The following PCDHGA1 variants were observed in gnomAD, a reference collection of about 807,000 sequenced individuals.
PCDHGA1 encodes the protein protocadherin gamma subfamily A, 1.
A neutral mutation model predicts 58.0 loss-of-function variants in PCDHGA1; 32 were observed. The observed-to-expected ratio is 0.55, with a 90% CI of 0.42 to 0.74. The LOEUF (loss-of-function observed/expected upper bound fraction) is 0.74. Ranked by LOEUF, PCDHGA1 falls within the 30% of genes least tolerant of loss-of-function variation. The probability of loss-of-function intolerance (pLI) is 0.00; values close to 1 mark genes in which losing one functional copy is unlikely to be tolerated. For synonymous variants in PCDHGA1, 498 were observed against 501.1 expected (o/e 0.99, Z 0.08); for missense variants, 1,205 against 1,182.3 (o/e 1.02, Z -0.28).
Position 141,419,737 on chromosome 5 carries a change from G to A in PCDHGA1, c.2422-75070G>A, listed in dbSNP as rs201663350. 29 of 1,613,836 alleles carry A rather than the reference G, an allele frequency of 1.8e-5. No individual in the cohort carries two copies. In the African/African-American group the frequency reaches 3.6e-4, roughly 20 times the overall value. ...GCCTGGGGCTGCGAACAGGCGAGGTGCGCATGGTGCGTGCTTTGGGTGACA... is the reference window on the plus strand; with the variant it reads ...GCCTGGGGCTGCGAACAGGCGAGGTACGCATGGTGCGTGCTTTGGGTGACA... On this transcript the variant is annotated intron_variant, in intron 1 of 3. Transcript: ENST00000517417.
intron 1 of PCDHGA1, chr5:141,385,151 A>T: frequency 6.2e-7 from 1 of 1,614,224 alleles, no homozygotes; most frequent in Non-Finnish European, 8.5e-7. Context: ...GCTTTCCTGC[A>T]GACCTATTCC....
chr5:141,392,783 G>T, intron 1 of PCDHGA1: 1 of 1,542,922 alleles, frequency 6.5e-7, no homozygotes, highest in Admixed American at 2.1e-5. Flanking sequence ...GCACAGTGAA[G>T]ATTCTGAGAG....
At chr5:141,510,447 C>T (rs1270073364) in intron 3 of PCDHGA1, among the ~76,000 whole-genome samples, 1 of 152,026 alleles carries the variant, frequency 6.6e-6, no homozygotes, top group Non-Finnish European at 1.5e-5. Flanking sequence ...CTCCAGGAGC[C>T]CATGGTCTAG....
In PCDHGA1 at chr5:141,431,628, A is replaced by C. The variant is rs1204083567; in HGVS notation, c.2422-63179A>C. Reference sequence around the variant, plus strand: ...CGGTATGTGGACGACAAGGCGGCCCAAGTTTTCAAACTAGATTGTAATTCA... The same window carrying C: ...CGGTATGTGGACGACAAGGCGGCCCCAGTTTTCAAACTAGATTGTAATTCA... On this transcript the variant is annotated intron_variant, in intron 1 of 3. Coordinates refer to ENST00000517417, the MANE Select transcript of PCDHGA1 (RefSeq NM_018912.3). The surrounding 1 kb of genome is among the most constrained non-coding windows in gnomAD (Gnocchi z 4.8). 1 of 1,614,256 alleles carries C rather than the reference A, an allele frequency of 6.2e-7. No individual in the cohort carries two copies. The highest frequency in any genetic ancestry group is 8.5e-7 in the Non-Finnish European group (1 of 1,180,050).
intron 3 of PCDHGA1, among the ~76,000 whole-genome samples, chr5:141,509,277 T>TC (rs566266970): frequency 0.011 from 1,653 of 152,240 alleles, 22 homozygotes; most frequent in Non-Finnish European, 0.018. Context: ...CGCTACCCGC[T>TC]CCCAGGGTCC....
At chr5:141,362,395 C>T (rs1314760212) in intron 1 of PCDHGA1, 1 of 1,614,040 alleles carries the variant, frequency 6.2e-7, no homozygotes, top group Admixed American at 1.7e-5. Context: ...TTCCTACAAC[C>T]TGTGTGTTGC....
chr5:141,482,109 C>G (rs972542276), intron 1 of PCDHGA1, among the ~76,000 whole-genome samples: 2 of 149,582 alleles, frequency 1.3e-5, no homozygotes, highest in African/African-American at 2.5e-5. Context: ...AAAAAAATAT[C>G]TAGAGATGGG....
intron 1 of PCDHGA1, chr5:141,409,463 A>G (rs751200597): frequency 1.2e-6 from 2 of 1,613,744 alleles, no homozygotes; most frequent in Non-Finnish European, 1.7e-6. Context: ...ATACAATGTC[A>G]CCATCGTAGC....
intron 1 of PCDHGA1, among the ~76,000 whole-genome samples, chr5:141,348,636 G>A (rs1282691121): frequency 6.6e-6 from 1 of 152,118 alleles, no homozygotes; most frequent in Non-Finnish European, 1.5e-5. Flanking sequence ...TACAGGTAAT[G>A]GAAGGTCTCA....
At position 141,505,390 on chromosome 5, in the gene PCDHGA1, C is replaced by T; in HGVS notation, c.2481-3C>T. On this transcript the variant is annotated splice_polypyrimidine_tract_variant and splice_region_variant and intron_variant, in intron 2 of 3. Coordinates refer to ENST00000517417, the MANE Select transcript of PCDHGA1 (RefSeq NM_018912.3). ...TGTGCTCACCATCCTACTCTCTCCCCAGCTCCCAAAATGGCGATGACACCG... is the reference window on the plus strand; with the variant it reads ...TGTGCTCACCATCCTACTCTCTCCCTAGCTCCCAAAATGGCGATGACACCG... The T allele has an allele frequency of 6.2e-7, 1 of 1,614,130 alleles. No individual in the cohort carries two copies.
At chr5:141,388,351 C>T (rs1245529264) in intron 1 of PCDHGA1, 1 of 1,613,898 alleles carries the variant, frequency 6.2e-7, no homozygotes, top group African/African-American at 1.3e-5. Context: ...ATATTAGGAT[C>T]TGCCCATGAT....
At chr5:141,417,440 T>C (rs889107076) in intron 1 of PCDHGA1, 1 of 166,232 alleles carries the variant, frequency 6.0e-6, no homozygotes, top group African/African-American at 2.4e-5. Flanking sequence ...TAAAAAGATA[T>C]GATAGTTATG....
chr5:141,381,826 C>CTTTTTTTTTTTTTTTTTTTTTTTTT (rs770630741), intron 1 of PCDHGA1, among the ~76,000 whole-genome samples: 4 of 74,290 alleles, frequency 5.4e-5, no homozygotes, highest in African/African-American at 1.2e-4. Context: ...CTTTCTTCTT[C>CTTTTTTTTTTTTTTTTTTTTTTTTT]TTTTTTTTTT....
At chr5:141,456,220 T>C (rs965297694) in intron 1 of PCDHGA1, among the ~76,000 whole-genome samples, 1 of 152,098 alleles carries the variant, frequency 6.6e-6, no homozygotes, top group Admixed American at 6.6e-5. Context: ...TGTGGCGATA[T>C]CAAACTAACT....
Position 141,422,925 on chromosome 5 carries a change from T to C in PCDHGA1, c.2422-71882T>C, listed in dbSNP as rs568894245. ...ACAATGCGCCCGAGATCCTGTACCC[T>C]GCCCTCCCCACAGACGGCTCCACTG... On this transcript the variant is annotated intron_variant, in intron 1 of 3. Transcript: ENST00000517417. 1.4e-4 allele frequency: 220 copies of C among 1,614,202 alleles called. 2 individuals are homozygous for C. The South Asian group carries it at 2.2e-3, about 16-fold the overall frequency.
In PCDHGA1 at chr5:141,362,669, C is replaced by T. The variant is rs1028170696; in HGVS notation, c.2421+29564C>T. 8.6e-6 allele frequency: 11 copies of T among 1,279,762 alleles called. No individual in the cohort carries two copies. The African/African-American group carries it at 1.4e-4, about 16-fold the overall frequency. The allele number at this position is 1,279,762 out of a possible 1,614,324, so 79.3% of individuals were successfully genotyped here. ...TGAGTTAGATTTGGCCAATGTTGTG[C>T]CTTAATTGTCTTAATCTTATCTAAC... is the stretch of plus-strand genomic sequence containing the variant. On this transcript the variant is annotated intron_variant, in intron 1 of 3. Transcript: ENST00000517417.
In PCDHGA1 at chr5:141,511,269, C is replaced by A; in HGVS notation, c.*96C>A. The A allele has an allele frequency of 1.3e-6, 2 of 1,546,672 alleles. No homozygotes were observed. Among genetic ancestry groups the A allele is most frequent in the Non-Finnish European group, 1.7e-6 (2 of 1,145,264 alleles). The stretch of plus-strand genomic sequence containing the variant: ...AGGCCTCAGAGTTTCAGGGCTAACC[C>A]CCAGAATACTGGTAGGGGCCAAGGC... On this transcript the variant is annotated 3_prime_UTR_variant, in exon 4 of 4. Transcript: ENST00000517417.
chr5:141,462,657 T>G (rs949098251), intron 1 of PCDHGA1, among the ~76,000 whole-genome samples: 1 of 152,164 alleles, frequency 6.6e-6, no homozygotes, highest in East Asian at 1.9e-4. Flanking sequence ...TCCTCAATTA[T>G]CTTCATATTT....
At chr5:141,445,300 TCA>T (rs1443961962) in intron 1 of PCDHGA1, among the ~76,000 whole-genome samples, 1 of 152,202 alleles carries the variant, frequency 6.6e-6, no homozygotes, top group Non-Finnish European at 1.5e-5. Flanking sequence ...TCCATTCTCT[TCA>T]GTTTGTAGGT....
Sources: allele counts gnomAD v4.1 joint callset (sites outside exome capture counted in the v4.1 genomes callset), GRCh38; gene constraint gnomAD v4.1.1; non-coding constraint Gnocchi (gnomAD v3.1); transcripts MANE v1.5; gene names NCBI Gene and HGNC (gene_info 2026-07-23, HGNC 2026-07-21).